STMND1: variants seen among roughly 807,000 people sequenced by gnomAD.
The protein encoded by STMND1 is stathmin domain containing 1, also known as stathmin domain-containing protein 1.
A neutral mutation model predicts 23.0 loss-of-function variants in STMND1; 17 were observed. The ratio of observed to expected loss-of-function variants is 0.74; its 90% CI spans 0.51 to 1.11. The LOEUF is 1.11. Among genes scored for constraint, STMND1 ranks in the 50% least tolerant of loss-of-function variants. The pLI is 0.00. For missense variants in STMND1, 305 were observed against 329.1 expected, an observed-to-expected ratio of 0.93 and a Z score of 0.57; for synonymous variants, 114 against 119.9, an observed-to-expected ratio of 0.95 and a Z score of 0.32.
At chr6:17,121,863 ATTTT>A (rs11331622) in intron 3 of STMND1, among the ~76,000 whole-genome samples, 1 of 142,048 alleles carries the variant, frequency 7.0e-6, no homozygotes. Context: ...AGAGTTCTAA[ATTTT>A]TTTTTTTTTT....
chr6:17,127,491 A>T (rs1432480927), intron 3 of STMND1, among the ~76,000 whole-genome samples: 1 of 152,214 alleles, frequency 6.6e-6, no homozygotes, highest in Non-Finnish European at 1.5e-5. Context: ...CGGAGGTTGC[A>T]GTGAGCCAAG....
At chr6:17,120,844 G>A in intron 3 of STMND1, 86 bp downstream of exon 3, 1 of 1,130,550 alleles carries the variant, frequency 8.8e-7, no homozygotes, top group African/African-American at 1.6e-5. Context: ...TCCAGCATAT[G>A]CAAGTTACAA....
chr6:17,116,699 C>G (rs893692806), intron 2 of STMND1, among the ~76,000 whole-genome samples: 1 of 152,126 alleles, frequency 6.6e-6, no homozygotes, highest in African/African-American at 2.4e-5. Context: ...CTCAGCCTCC[C>G]AAAGTGTTGA....
At chr6:17,112,465 C>T (rs879020905) in intron 1 of STMND1, among the ~76,000 whole-genome samples, 1 of 151,902 alleles carries the variant, frequency 6.6e-6, no homozygotes, top group Non-Finnish European at 1.5e-5. Flanking sequence ...TTTTATTTTG[C>T]TTGGGTACAT....
intron 2 of STMND1, among the ~76,000 whole-genome samples, chr6:17,115,372 TAAAAAAAAAAAAA>T (rs75171969): frequency 5.2e-5 from 6 of 116,102 alleles, no homozygotes; most frequent in Non-Finnish European, 1.1e-4. Flanking sequence ...GGACCATCTT[TAAAAAAAAAAAAA>T]AAAAAAAAAG....
intron 3 of STMND1, among the ~76,000 whole-genome samples, chr6:17,125,410 C>T (rs1299435057): frequency 6.6e-6 from 1 of 152,104 alleles, no homozygotes; most frequent in Non-Finnish European, 1.5e-5. Context: ...TCTTTTATCC[C>T]AAATTCATTT....
rs1163594126 is a variant in STMND1 at position 17,102,318 on chromosome 6, G to A, written c.61G>A (p.Gly21Ser). The A allele has an allele frequency of 1.3e-6, 2 of 1,535,968 alleles. No homozygotes were observed. Among genetic ancestry groups the A allele is most frequent in the East Asian group, 2.4e-5 (1 of 40,896 alleles). The part of the protein sequence containing the change: ...DRRRVRAPKK[G>S]WKEEFKADVS... ...GAGACGTGTACGCGCGCCCAAGAAG[G>A]GCTGGAAAGAGGAATTCAAGGTAAT... The change falls in exon 1 of 5, where the codon GGC becomes AGC. Residue 21 changes from glycine (G) to serine (S), a missense_variant. By Grantham distance (56) the Gly-to-Ser change is moderately conservative. Transcript: ENST00000536551.
intron 2 of STMND1, 36 bp downstream of exon 2, chr6:17,115,175 A>T: frequency 6.6e-7 from 1 of 1,505,104 alleles, no homozygotes; most frequent in Non-Finnish European, 8.8e-7. Context: ...GTAGATCTTC[A>T]CAAAATACTG....
At chr6:17,106,610 G>A (rs1488252046) in intron 1 of STMND1, among the ~76,000 whole-genome samples, 2 of 152,012 alleles carry the variant, frequency 1.3e-5, no homozygotes, top group South Asian at 2.1e-4. Context: ...ATCTGGGAAA[G>A]GTATGATTAT....
Position 17,115,063 on chromosome 6 carries a change from C to T in STMND1, c.183C>T (p.Val61=). Residue 61 remains valine, a synonymous_variant, in exon 2 of 5, where the codon GTC becomes GTT. Coordinates refer to ENST00000536551, the MANE Select transcript of STMND1 (RefSeq NM_001190766.2). ...ACATTGCAGAAGGCCTGGAACAAGT[C>T]CAGATGGGAAGCTTACCTGGAACCA... ...TVDIAEGLEQ[V]QMGSLPGTIS... is the part of the protein sequence containing the mutation. 6.5e-7 allele frequency: 1 copy of T among 1,535,968 alleles called. No individual in the cohort carries two copies. Among genetic ancestry groups the T allele is most frequent in the Non-Finnish European group, 8.7e-7 (1 of 1,146,840 alleles).
chr6:17,121,053 G>A (rs1035983584), intron 3 of STMND1, among the ~76,000 whole-genome samples: 1 of 152,168 alleles, frequency 6.6e-6, no homozygotes, highest in Non-Finnish European at 1.5e-5. Context: ...TCACATGATA[G>A]TGAGTGAGTC....
intron 3 of STMND1, among the ~76,000 whole-genome samples, chr6:17,121,426 A>C (rs1389061261): frequency 6.6e-6 from 1 of 152,226 alleles, no homozygotes; most frequent in Non-Finnish European, 1.5e-5. Context: ...TTTCTTGAGC[A>C]CTACCTATGT....
At chr6:17,128,315 A>C (rs1761336119) in intron 3 of STMND1, 1 of 152,222 alleles carries the variant, frequency 6.6e-6, no homozygotes, top group Non-Finnish European at 1.5e-5. Context: ...CCTCCAGCAA[A>C]GCCCAGAACA....
rs966007781 is a variant in STMND1, at chr6:17,102,117, C to T, written c.-141C>T. 20 of 753,872 alleles carry T rather than the reference C, an allele frequency of 2.7e-5. No individual in the cohort carries two copies. Among genetic ancestry groups the T allele is most frequent in the Admixed American group, 4.3e-5 (1 of 23,038 alleles). 46.7% of individuals were successfully genotyped at this position (753,872 alleles called of 1,614,324 possible). A position where few individuals can be genotyped will look rare whatever the true frequency, so the allele number is the denominator to read the frequency against. ...GTTTAAGCGCGGGAAGTGGGAGAGG[C>T]GGGTGGCGCCCGAGCGCAGTAGCAG... On this transcript the variant is annotated 5_prime_UTR_variant, in exon 1 of 5. Coordinates refer to ENST00000536551, the MANE Select transcript of STMND1 (RefSeq NM_001190766.2).
At chr6:17,109,225 G>A (rs1761067079) in intron 1 of STMND1, among the ~76,000 whole-genome samples, 1 of 152,040 alleles carries the variant, frequency 6.6e-6, no homozygotes, top group Non-Finnish European at 1.5e-5. Context: ...TTTCTTGTTT[G>A]TTTGGTTGGT....
intron 3 of STMND1, among the ~76,000 whole-genome samples, chr6:17,124,490 T>C (rs1761270882): frequency 6.7e-6 from 1 of 149,406 alleles, no homozygotes; most frequent in African/African-American, 2.6e-5. Flanking sequence ...TGAAGGTCCC[T>C]CATGAAGGTC....
intron 2 of STMND1, among the ~76,000 whole-genome samples, chr6:17,120,239 A>G (rs1452626419): frequency 6.6e-6 from 1 of 152,220 alleles, no homozygotes; most frequent in East Asian, 1.9e-4. Flanking sequence ...AAGAATCACC[A>G]AGAGTATCTG....
chr6:17,110,125 A>G (rs1002389805), intron 1 of STMND1, among the ~76,000 whole-genome samples: 1 of 152,164 alleles, frequency 6.6e-6, no homozygotes, highest in African/African-American at 2.4e-5. Flanking sequence ...CTGGAAGCTC[A>G]TTTATCAAGA....
At position 17,130,737 on chromosome 6, in the gene STMND1, A is replaced by G. The variant is rs778686761; in HGVS notation, c.687A>G (p.Pro229=). Reference sequence around the variant, plus strand: ...GGGTGAGGTCTGCTGGATTTGAACCATCTGACCTGCAGGGAGGAAAACCAT... The same window carrying G: ...GGGTGAGGTCTGCTGGATTTGAACCGTCTGACCTGCAGGGAGGAAAACCAT... ...LQRVRSAGFE[P]SDLQGGKPLK... is the part of the protein sequence containing the mutation. The change falls in exon 5 of 5, where the codon CCA becomes CCG. Residue 229 remains proline, a synonymous_variant. Transcript: ENST00000536551. 7.4e-5 allele frequency: 113 copies of G among 1,535,994 alleles called. No individual in the cohort carries two copies. The highest frequency in any genetic ancestry group is 9.8e-5 in the Admixed American group (5 of 50,978).
Sources: gnomAD v4.1 joint callset for allele counts (sites outside exome capture counted in the v4.1 genomes callset) on GRCh38, gnomAD v4.1.1 for gene constraint, MANE v1.5 for transcripts, NCBI Gene and HGNC (gene_info 2026-07-23, HGNC 2026-07-21) for gene names.